Variants in SGTA observed in about 807,000 individuals in gnomAD.
SGTA encodes the protein small glutamine-rich tetratricopeptide repeat-containing protein alpha.
A neutral mutation model predicts 44.3 loss-of-function variants in SGTA; 22 were observed. The ratio of observed to expected loss-of-function variants is 0.50; its 90% confidence interval spans 0.36 to 0.71. The LOEUF is 0.71. SGTA is among the 30% of genes least tolerant of loss of function. SGTA has a pLI of 0.00. For missense variants in SGTA, 341 were observed against 435.9 expected, an observed-to-expected ratio of 0.78 and a Z score of 1.94; for synonymous variants, 174 against 177.6, an observed-to-expected ratio of 0.98 and a Z score of 0.16.
chr19:2,761,375 A>G lies in SGTA; in HGVS notation c.699+85T>C. The G allele has an allele frequency of 1.6e-6, 2 of 1,232,674 alleles. No individual in the cohort carries two copies. Among genetic ancestry groups the G allele is most frequent in the Non-Finnish European group, 2.3e-6 (2 of 862,132 alleles). The allele number at this position is 1,232,674 out of a possible 1,614,324, so 76.4% of individuals were successfully genotyped here. Reference sequence around the variant, plus strand: ...GAAGCCAGCAGTGCCAAGGCAAGGAAGCCCTGGCCAGTAGCGGACACAGCA... The same window carrying G: ...GAAGCCAGCAGTGCCAAGGCAAGGAGGCCCTGGCCAGTAGCGGACACAGCA... On this transcript the variant is annotated intron_variant, in intron 8 of 11. Coordinates refer to ENST00000221566, the MANE Select transcript of SGTA (RefSeq NM_003021.4). This position sits in a 1 kb window ranked among gnomAD's most constrained non-coding sequence, Gnocchi z 5.7.
chr19:2,777,122 G>A (rs1024933470), intron 1 of SGTA, among the ~76,000 whole-genome samples: 5 of 149,666 alleles, frequency 3.3e-5, no homozygotes, highest in East Asian at 2.0e-4. Context: ...GTAGTGGTGC[G>A]CGCCTGTAAT....
At position 2,763,697 on chromosome 19, in the gene SGTA, G is replaced by A; in HGVS notation, c.453C>T (p.Ala151=). Residue 151 remains alanine (A), a synonymous_variant, in exon 6 of 12, where the codon GCC becomes GCT. Transcript: ENST00000221566. The surrounding 1 kb of genome is among the most constrained non-coding windows in gnomAD (Gnocchi z 5.8). ...TGCTGTAGGCCGGGTCAATGCAGAT[G>A]GCCCGCTCACAGTCCTGCACCGCGC... ...YAGAVQDCER[A]ICIDPAYSKA... The A allele has an allele frequency of 6.2e-7, 1 of 1,613,848 alleles. No homozygotes were observed. Among genetic ancestry groups the A allele is most frequent in the South Asian group, 1.1e-5 (1 of 91,078 alleles).
Position 2,767,061 on chromosome 19 carries a change from G to A in SGTA, c.292+75C>T. ...GCTCCCTGGGCCCCAGGGACCAGCT[G>A]GCCTCTGCGAGGGTCCCACAGCCCC... On this transcript the variant is annotated intron_variant, in intron 4 of 11. Transcript: ENST00000221566. This position sits in a 1 kb window ranked among gnomAD's most constrained non-coding sequence, Gnocchi z 7.3. 2.8e-6 allele frequency: 3 copies of A among 1,074,510 alleles called. No individual in the cohort carries two copies. The highest frequency in any genetic ancestry group is 4.2e-6 in the Non-Finnish European group (3 of 710,364). 66.6% of individuals were successfully genotyped at this position (1,074,510 alleles called of 1,614,324 possible).
intron 1 of SGTA, among the ~76,000 whole-genome samples, chr19:2,779,022 G>T (rs1331975184): frequency 1.3e-5 from 2 of 152,020 alleles, no homozygotes; most frequent in East Asian, 3.9e-4. Flanking sequence ...CGCACGGCAG[G>T]GGGCTGAGCA....
chr19:2,757,207 C>G (rs1263357728), intron 11 of SGTA, 130 bp downstream of exon 11: 21 of 1,178,394 alleles, frequency 1.8e-5, no homozygotes, highest in Non-Finnish European at 2.3e-5. Flanking sequence ...GCACCCAGGA[C>G]TCGCTGTCCA....
At chr19:2,777,557 A>G (rs1915470937) in intron 1 of SGTA, 1 of 152,152 alleles carries the variant, frequency 6.6e-6, no homozygotes, top group African/African-American at 2.4e-5. Flanking sequence ...GCCTCAAGAA[A>G]AGAGTTTCTC....
rs1915006268 is a variant in SGTA, at chr19:2,761,933, T to TTATTCCCC, written c.637-412_637-411insGGGGAATA. The stretch of plus-strand genomic sequence containing the variant: ...GACGGCACAGTCTATCATCCCGTGT[T>TTATTCCCC]GATTTCCTGTATTCTGCCGCTTTGA... On this transcript the variant is annotated intron_variant, in intron 7 of 11. Transcript: ENST00000221566. This position sits in a 1 kb window ranked among gnomAD's most constrained non-coding sequence, Gnocchi z 5.7. Among the ~76,000 whole-genome samples, 2 of 151,146 alleles carry TTATTCCCC rather than the reference T, an allele frequency of 1.3e-5. No individual in the cohort carries two copies. Among genetic ancestry groups the TTATTCCCC allele is most frequent in the African/African-American group, 4.9e-5 (2 of 40,962 alleles).
At chr19:2,769,404 C>T (rs986406842) in intron 1 of SGTA, among the ~76,000 whole-genome samples, 2 of 152,164 alleles carry the variant, frequency 1.3e-5, no homozygotes, top group African/African-American at 4.8e-5. Context: ...CACGGAGGTC[C>T]CCTCCGCCCC....
At position 2,755,312 on chromosome 19, in the gene SGTA, T is replaced by A. The variant is rs1260175649; in HGVS notation, c.*628A>T. On this transcript the variant is annotated 3_prime_UTR_variant, in exon 12 of 12. Coordinates refer to ENST00000221566, the MANE Select transcript of SGTA (RefSeq NM_003021.4). The surrounding 1 kb of genome is among the most constrained non-coding windows in gnomAD (Gnocchi z 5.2). ...ACTGGAGAAAAGTCACAGAAACTGG[T>A]CCTATGCACCCAGGACGGCTCCTGA... is the stretch of plus-strand genomic sequence containing the variant. The A allele has an allele frequency of 1.0e-5, 7 of 672,470 alleles. No homozygotes were observed. 41.7% of individuals were successfully genotyped at this position (672,470 alleles called of 1,614,324 possible).
Position 2,762,480 on chromosome 19 carries a change from G to A in SGTA, c.636+26C>T, listed in dbSNP as rs1915024063. The A allele has an allele frequency of 3.7e-6, 6 of 1,612,490 alleles. No individual in the cohort carries two copies. The South Asian group carries it at 6.6e-5, about 18-fold the overall frequency. On this transcript the variant is annotated intron_variant, in intron 7 of 11. Coordinates refer to ENST00000221566, the MANE Select transcript of SGTA (RefSeq NM_003021.4). ...CCCACACAGTCAGCTCGGCGTTCTG[G>A]AGCCACTCGCCCCCGCTGCACTCAC...
chr19:2,776,760 G>A (rs891697030), intron 1 of SGTA, among the ~76,000 whole-genome samples: 2 of 152,218 alleles, frequency 1.3e-5, no homozygotes, highest in Non-Finnish European at 2.9e-5. Context: ...CCTGAGGTCA[G>A]GAGTTTGAGA....
Position 2,755,503 on chromosome 19 carries a change from T to C in SGTA, c.*437A>G, listed in dbSNP as rs1914796333. 19 of 986,936 alleles carry C rather than the reference T, an allele frequency of 1.9e-5. No individual in the cohort carries two copies. Among genetic ancestry groups the C allele is most frequent in the Non-Finnish European group, 2.3e-5 (19 of 830,180 alleles). 61.1% of individuals were successfully genotyped at this position (986,936 alleles called of 1,614,324 possible). A position where few individuals can be genotyped will look rare whatever the true frequency, so the allele number is the denominator to read the frequency against. On this transcript the variant is annotated 3_prime_UTR_variant, in exon 12 of 12. Transcript: ENST00000221566. The surrounding 1 kb of genome is among the most constrained non-coding windows in gnomAD (Gnocchi z 5.2). ...CGGGAGGTCGACTCGGAAAGAGGCT[T>C]CTCACAGACGGGAGAGTTCCTGCAG...
At chr19:2,759,461 C>T (rs537854819) in intron 8 of SGTA, 167 bp from the exon 9 acceptor site, 2 of 624,546 alleles carry the variant, frequency 3.2e-6, no homozygotes, top group African/African-American at 1.8e-5. Context: ...CATTTTCGCC[C>T]CCCCACCCAC....
chr19:2,767,188 T>G lies in SGTA; in HGVS notation c.240A>C (p.Arg80=). 6.2e-7 allele frequency: 1 copy of G among 1,612,636 alleles called. No individual in the cohort carries two copies. Among genetic ancestry groups the G allele is most frequent in the Non-Finnish European group, 8.5e-7 (1 of 1,179,578 alleles). ...EMPQDLRSPA[R]TPPSEEDSAE... is the part of the protein sequence containing the mutation. ...CTGAGTCCTCCTCGGAAGGCGGGGT[T>G]CGCGCGGGGCTCCTCAGGTCCTGCG... The change falls in exon 4 of 12, where the codon CGA becomes CGC. Residue 80 remains arginine, a synonymous_variant. Coordinates refer to ENST00000221566, the MANE Select transcript of SGTA (RefSeq NM_003021.4). This position sits in a 1 kb window ranked among gnomAD's most constrained non-coding sequence, Gnocchi z 7.3.
intron 1 of SGTA, among the ~76,000 whole-genome samples, chr19:2,780,044 G>T (rs1296191393): frequency 6.6e-6 from 1 of 152,092 alleles, no homozygotes; most frequent in East Asian, 1.9e-4. Context: ...AGCTGTGATT[G>T]GGCCCTGCAC....
Position 2,767,362 on chromosome 19 carries a change from C to A in SGTA, c.208-142G>T. On this transcript the variant is annotated intron_variant, in intron 3 of 11. Coordinates refer to ENST00000221566, the MANE Select transcript of SGTA (RefSeq NM_003021.4). The surrounding 1 kb of genome is among the most constrained non-coding windows in gnomAD (Gnocchi z 7.3). ...CTGCAGGGGACTCCTGGCCCCCCAT[C>A]ATGTGGCCCTGGGCGAGTGACCACA... 1 of 742,354 alleles carries A rather than the reference C, an allele frequency of 1.3e-6. No homozygotes were observed. The highest frequency in any genetic ancestry group is 2.2e-6 in the Non-Finnish European group (1 of 450,802). The allele number at this position is 742,354 out of a possible 1,614,324, so 46.0% of individuals were successfully genotyped here. A position where few individuals can be genotyped will look rare whatever the true frequency, so the allele number is the denominator to read the frequency against.
In SGTA at chr19:2,762,495, G is replaced by C. The variant is rs189810627; in HGVS notation, c.636+11C>G. Reference sequence around the variant, plus strand: ...CGGCGTTCTGGAGCCACTCGCCCCCGCTGCACTCACGGGGCTGGGGGCCTC... The same window carrying C: ...CGGCGTTCTGGAGCCACTCGCCCCCCCTGCACTCACGGGGCTGGGGGCCTC... On this transcript the variant is annotated intron_variant, in intron 7 of 11. Transcript: ENST00000221566. The C allele has an allele frequency of 3.1e-6, 5 of 1,613,330 alleles. No homozygotes were observed. The highest frequency in any genetic ancestry group is 4.2e-6 in the Non-Finnish European group (5 of 1,179,816).
chr19:2,771,349 G>A (rs1915297683), intron 1 of SGTA, among the ~76,000 whole-genome samples: 1 of 152,156 alleles, frequency 6.6e-6, no homozygotes, highest in Admixed American at 6.5e-5. Context: ...ACTTGAACCA[G>A]GGAGTTGGAG....
chr19:2,782,655 GACTCTA>G (rs1322929422), intron 1 of SGTA: 1 of 152,234 alleles, frequency 6.6e-6, no homozygotes, highest in Admixed American at 6.5e-5. Context: ...TGCAGAAGAA[GACTCTA>G]AACATGATAT....
Sources: allele counts gnomAD v4.1 joint callset (sites outside exome capture counted in the v4.1 genomes callset), GRCh38; gene constraint gnomAD v4.1.1; non-coding constraint Gnocchi (gnomAD v3.1); transcripts MANE v1.5; gene names NCBI Gene and HGNC (gene_info 2026-07-23, HGNC 2026-07-21).